Variants in PRIM1 observed in about 807,000 individuals in gnomAD.
The protein encoded by PRIM1 is DNA primase small subunit.
Under a neutral mutation model 60.2 loss-of-function variants are expected in PRIM1, and 38 were observed. The observed-to-expected ratio is 0.63, with a 90% CI of 0.49 to 0.83. PRIM1 has a LOEUF of 0.83. PRIM1 is among the 40% of genes least tolerant of loss of function. PRIM1 has a pLI of 0.00. For missense variants in PRIM1, 388 were observed against 506.2 expected (o/e 0.77, Z 2.24); for synonymous variants, 158 against 160.2 (o/e 0.99, Z 0.10).
intron 6 of PRIM1, 43 bp from the exon 7 acceptor site, chr12:56,743,139 A>C (rs1953883781): frequency 6.1e-6 from 9 of 1,471,262 alleles, no homozygotes; most frequent in Non-Finnish European, 8.0e-6. Flanking sequence ...CACTATCAGT[A>C]ACACATATGC....
intron 2 of PRIM1, among the ~76,000 whole-genome samples, chr12:56,747,978 A>C (rs146242701): frequency 6.6e-6 from 1 of 152,088 alleles, no homozygotes; most frequent in African/African-American, 2.4e-5. Flanking sequence ...AAAAACAGGA[A>C]GATTTTTCAA....
intron 2 of PRIM1, among the ~76,000 whole-genome samples, chr12:56,747,932 G>C (rs1426334767): frequency 6.6e-6 from 1 of 152,010 alleles, no homozygotes; most frequent in East Asian, 1.9e-4. Flanking sequence ...AGGTATTGTT[G>C]GAATGAGTAA....
intron 2 of PRIM1, among the ~76,000 whole-genome samples, chr12:56,749,207 C>T (rs1592336062): frequency 6.6e-6 from 1 of 152,006 alleles, no homozygotes; most frequent in Non-Finnish European, 1.5e-5. Flanking sequence ...CAGAGTTTTA[C>T]CATGTTGGCC....
chr12:56,747,359 C>G (rs1450777312), intron 2 of PRIM1, among the ~76,000 whole-genome samples: 1 of 151,234 alleles, frequency 6.6e-6, no homozygotes, highest in Non-Finnish European at 1.5e-5. Flanking sequence ...TTTTAAGAAC[C>G]TTTACTTGTT....
intron 11 of PRIM1, among the ~76,000 whole-genome samples, chr12:56,735,594 TGCTCAG>T (rs895784979): frequency 6.6e-5 from 10 of 152,126 alleles, no homozygotes; most frequent in African/African-American, 2.4e-4. Context: ...GGTCTTGTGT[TGCTCAG>T]GCTCTGGTCA....
chr12:56,748,242 A>G (rs958283510), intron 2 of PRIM1, among the ~76,000 whole-genome samples: 1 of 152,174 alleles, frequency 6.6e-6, no homozygotes, highest in Non-Finnish European at 1.5e-5. Context: ...TTAGACATTT[A>G]TATGTGGAAT....
rs1383376648 is a variant in PRIM1, at chr12:56,741,305, T to C, written c.982+130A>G. The C allele has an allele frequency of 5.0e-6, 5 of 996,020 alleles. No homozygotes were observed. In the South Asian group the frequency reaches 5.8e-5, roughly 12 times the overall value. 61.7% of individuals were successfully genotyped at this position (996,020 alleles called of 1,614,324 possible). On this transcript the variant is annotated intron_variant, in intron 9 of 12. Transcript: ENST00000338193. The stretch of plus-strand genomic sequence containing the variant: ...GGTAGCTACTTAACTGACTTAGGTA[T>C]TGGGTGACAGAGCAATTCTTCTACC...
chr12:56,733,116 A>G (rs1480639875), intron 12 of PRIM1, among the ~76,000 whole-genome samples: 1 of 148,726 alleles, frequency 6.7e-6, no homozygotes, highest in Non-Finnish European at 1.5e-5. Flanking sequence ...TGGCCTCCCA[A>G]AGTGCTAGGA....
chr12:56,734,642 C>T (rs1410922226), intron 11 of PRIM1, among the ~76,000 whole-genome samples: 2 of 150,630 alleles, frequency 1.3e-5, no homozygotes, highest in East Asian at 1.9e-4. Flanking sequence ...CTCCTGAGCT[C>T]GAGTGATCTC....
Position 56,752,295 on chromosome 12 carries a change from C to T in PRIM1, c.4G>A (p.Glu2Lys), listed in dbSNP as rs746970429. 3 of 1,574,648 alleles carry T rather than the reference C, an allele frequency of 1.9e-6. No homozygotes were observed. In the African/African-American group the frequency reaches 4.1e-5, roughly 21 times the overall value. M[E>K]TFDPTELPEL... ...GGCAGCTCGGTGGGGTCAAACGTCTCCATTGAGCGCGGAACTCGCCACGGT... is the reference window on the plus strand; with the variant it reads ...GGCAGCTCGGTGGGGTCAAACGTCTTCATTGAGCGCGGAACTCGCCACGGT... Residue 2 changes from glutamate to lysine, a missense_variant, in exon 1 of 13, where the codon GAG becomes AAG. This residue lies in a region of PRIM1 where 156 missense variants were observed against 175.8 expected (regional missense o/e 0.89). Transcript: ENST00000338193.
chr12:56,751,031 T>G lies in PRIM1; in HGVS notation c.261+7A>C. 1 of 1,435,856 alleles carries G rather than the reference T, an allele frequency of 7.0e-7. No homozygotes were observed. The highest frequency in any genetic ancestry group is 1.6e-5 in the South Asian group (1 of 63,038). The allele number at this position is 1,435,856 out of a possible 1,614,324, so 88.9% of individuals were successfully genotyped here. A position where few individuals can be genotyped will look rare whatever the true frequency, so the allele number is the denominator to read the frequency against. On this transcript the variant is annotated splice_region_variant and intron_variant, in intron 2 of 12. Coordinates refer to ENST00000338193, the MANE Select transcript of PRIM1 (RefSeq NM_000946.3). The stretch of plus-strand genomic sequence containing the variant: ...ACAACAAAATATATTAAAAAAAGAT[T>G]TCTTACTCTGTGAGAATATACTGCG...
intron 2 of PRIM1, 118 bp from the exon 3 acceptor site, chr12:56,747,150 A>G: frequency 1.4e-6 from 1 of 719,338 alleles, no homozygotes; most frequent in Non-Finnish European, 2.3e-6. Flanking sequence ...TATAATGCCA[A>G]CTTTATGACA....
intron 12 of PRIM1, among the ~76,000 whole-genome samples, chr12:56,733,429 G>A (rs1215921845): frequency 6.6e-6 from 1 of 150,928 alleles, no homozygotes; most frequent in African/African-American, 2.5e-5. Flanking sequence ...AAAGTGCTGG[G>A]ATTACAGGTG....
At chr12:56,749,189 G>A (rs1953929188) in intron 2 of PRIM1, among the ~76,000 whole-genome samples, 1 of 151,998 alleles carries the variant, frequency 6.6e-6, no homozygotes, top group South Asian at 2.1e-4. Flanking sequence ...TGTATTTTTT[G>A]GTAGAGACAG....
chr12:56,739,540 CTTT>C (rs1334757120), intron 9 of PRIM1, among the ~76,000 whole-genome samples, 177 bp from the exon 10 acceptor site: 1 of 152,162 alleles, frequency 6.6e-6, no homozygotes, highest in Non-Finnish European at 1.5e-5. Context: ...TGCCCTTACT[CTTT>C]TTTAGAGTTA....
At chr12:56,735,654 TG>T (rs1353184978) in intron 11 of PRIM1, among the ~76,000 whole-genome samples, 2 of 151,680 alleles carry the variant, frequency 1.3e-5, no homozygotes, top group Non-Finnish European at 2.9e-5. Flanking sequence ...TGAGTATTCT[TG>T]TTTTTTTTTT....
chr12:56,746,975 C>A lies in PRIM1; in HGVS notation c.319G>T (p.Val107Leu). 1 of 1,613,852 alleles carries A rather than the reference C, an allele frequency of 6.2e-7. No individual in the cohort carries two copies. The highest frequency in any genetic ancestry group is 1.1e-5 in the South Asian group (1 of 91,038). The change falls in exon 3 of 13, where the codon GTA becomes TTA. Residue 107 changes from valine to leucine, a missense_variant. Val to Leu is a conservative substitution (Grantham distance 32, BLOSUM62 1). This residue lies in a region of PRIM1 where 156 missense variants were observed against 175.8 expected (regional missense o/e 0.89). Transcript: ENST00000338193. ...GAFQAQEKEL[V>L]FDIDMTDYDD... ...TAGTCTGTCATGTCAATGTCAAATA[C>A]CAGTTCTTTTTCCTGAGCCTGGAAA...
At chr12:56,741,406 T>C in intron 9 of PRIM1, 29 bp downstream of exon 9, 1 of 1,591,678 alleles carries the variant, frequency 6.3e-7, no homozygotes, top group South Asian at 1.1e-5. Context: ...ATTTTTCTTT[T>C]AGTTTTCCTT....
In PRIM1 at chr12:56,741,593, G is replaced by C; in HGVS notation, c.841-17C>G. ...GATGTTATTCTAAAAGCAGATACAA[G>C]GCCAACATGAGGATCAGTAGGAACT... On this transcript the variant is annotated splice_polypyrimidine_tract_variant and intron_variant, in intron 8 of 12. Transcript: ENST00000338193. The C allele has an allele frequency of 6.2e-7, 1 of 1,604,680 alleles. No individual in the cohort carries two copies. Among genetic ancestry groups the C allele is most frequent in the Non-Finnish European group, 8.5e-7 (1 of 1,177,262 alleles).
Sources: allele counts gnomAD v4.1 joint callset (sites outside exome capture counted in the v4.1 genomes callset), GRCh38; gene constraint gnomAD v4.1.1; regional missense constraint gnomAD v4.1.1; transcripts MANE v1.5; gene names NCBI Gene and HGNC (gene_info 2026-07-23, HGNC 2026-07-21).